KIFAP3: variants seen among roughly 807,000 people sequenced by gnomAD.
KIFAP3 encodes kinesin associated protein 3.
KIFAP3 carries 68 observed loss-of-function variants against 106.5 expected under a neutral mutation model. The observed-to-expected ratio is 0.64, with a 90% CI of 0.53 to 0.78. The LOEUF is 0.78. Among genes scored for constraint, KIFAP3 ranks in the 30% least tolerant of loss-of-function variants. The probability of loss-of-function intolerance (pLI) is 0.00; values close to 1 mark genes in which losing one functional copy is unlikely to be tolerated. For missense variants in KIFAP3, 780 were observed against 941.8 expected (o/e 0.83, Z 2.25); for synonymous variants, 320 against 311.5 (o/e 1.03, Z -0.29).
chr1:169,962,566 G>A (rs1665395893), intron 17 of KIFAP3, among the ~76,000 whole-genome samples: 1 of 151,906 alleles, frequency 6.6e-6, no homozygotes, highest in Non-Finnish European at 1.5e-5. Flanking sequence ...AGGGATGCAG[G>A]GTAATAGCAC....
At position 170,070,173 on chromosome 1, in the gene KIFAP3, G is replaced by A. The variant is rs1484228703; in HGVS notation, c.32+4263C>T. The stretch of plus-strand genomic sequence containing the variant: ...GAAATTAATATGAACTAAATGAAAA[G>A]AAATCACATGTTCATGGACTGAAGG... On this transcript the variant is annotated intron_variant, in intron 1 of 19. Transcript: ENST00000361580. Among the ~76,000 whole-genome samples the A allele has an allele frequency of 2.6e-5, 4 of 152,022 alleles. No homozygotes were observed. The East Asian group carries it at 7.7e-4, about 29-fold the overall frequency.
At position 169,965,757 on chromosome 1, in the gene KIFAP3, T is replaced by G. The variant is rs115875128; in HGVS notation, c.1984-4522A>C. 2.4e-3 allele frequency among the ~76,000 whole-genome samples: 361 copies of G among 152,138 alleles called. 1 individual carries two copies. Among genetic ancestry groups the G allele is most frequent in the African/African-American group, 8.1e-3 (338 of 41,554 alleles). ...TCACCCTACGAGCTTACATCATTAT[T>G]CTTATTAATAAACGTATACATACAA... On this transcript the variant is annotated intron_variant, in intron 17 of 19. Transcript: ENST00000361580.
intron 1 of KIFAP3, among the ~76,000 whole-genome samples, chr1:170,080,705 G>GT (rs1672006193): frequency 6.6e-6 from 1 of 152,120 alleles, no homozygotes; most frequent in African/African-American, 2.4e-5. Context: ...CCTTCACCTA[G>GT]TTTCACCCAG....
intron 8 of KIFAP3, among the ~76,000 whole-genome samples, chr1:170,029,962 T>C (rs1223196524): frequency 1.3e-5 from 2 of 152,084 alleles, no homozygotes; most frequent in East Asian, 3.9e-4. Flanking sequence ...CCTCACCCCA[T>C]ATACAAAAAT....
intron 18 of KIFAP3, among the ~76,000 whole-genome samples, chr1:169,960,545 T>C (rs1295671875): frequency 6.6e-6 from 1 of 152,154 alleles, no homozygotes; most frequent in Non-Finnish European, 1.5e-5. Context: ...AACATTAGCA[T>C]AGTTTAGAAA....
chr1:169,962,765 T>G (rs1407061121), intron 17 of KIFAP3, among the ~76,000 whole-genome samples: 1 of 152,196 alleles, frequency 6.6e-6, no homozygotes, highest in African/African-American at 2.4e-5. Context: ...TGTTAAAATT[T>G]TAACTTGTTG....
chr1:170,079,974 A>G (rs1395458164), intron 1 of KIFAP3, among the ~76,000 whole-genome samples: 2 of 151,940 alleles, frequency 1.3e-5, no homozygotes, highest in African/African-American at 4.8e-5. Flanking sequence ...TTTTCAGGTG[A>G]TATTATCAGT....
At chr1:169,928,878 T>G (rs1322824701) in intron 19 of KIFAP3, among the ~76,000 whole-genome samples, 1 of 152,090 alleles carries the variant, frequency 6.6e-6, no homozygotes, top group Non-Finnish European at 1.5e-5. Context: ...TGCTGTGGTA[T>G]TCCATGGAGA....
At chr1:170,078,965 C>A (rs774826110), upstream of KIFAP3, among the ~76,000 whole-genome samples, 32 of 152,264 alleles carry the variant, frequency 2.1e-4, no homozygotes, top group Middle Eastern at 3.4e-3. Flanking sequence ...GGGTTTATCC[C>A]AGGAATGCAA....
chr1:170,074,702 G>T, upstream of KIFAP3: 1 of 1,404,470 alleles, frequency 7.1e-7, no homozygotes, highest in Non-Finnish European at 9.3e-7. Flanking sequence ...GCCTAAGCCG[G>T]GCCGTCACGA....
At chr1:169,941,521 A>T (rs1664114104) in intron 19 of KIFAP3, among the ~76,000 whole-genome samples, 1 of 88,468 alleles carries the variant, frequency 1.1e-5, no homozygotes, top group Non-Finnish European at 2.2e-5. Flanking sequence ...GATGAGAATA[A>T]TTTTTTCTGT....
intron 10 of KIFAP3, among the ~76,000 whole-genome samples, chr1:170,000,785 C>T (rs914329094): frequency 2.0e-5 from 3 of 151,792 alleles, no homozygotes; most frequent in South Asian, 2.1e-4. Context: ...TGTCTATAGT[C>T]GAGATTTGAG....
At chr1:169,999,365 G>C (rs1457415509) in intron 10 of KIFAP3, among the ~76,000 whole-genome samples, 1 of 152,034 alleles carries the variant, frequency 6.6e-6, no homozygotes, top group Admixed American at 6.6e-5. Context: ...ATTTCAAAAA[G>C]GCTCCTTTAA....
chr1:169,992,089 A>G (rs984790590), intron 11 of KIFAP3, 66 bp downstream of exon 11: 10 of 701,912 alleles, frequency 1.4e-5, no homozygotes, highest in Non-Finnish European at 1.9e-5. Flanking sequence ...TTGACAAATC[A>G]AGAGAAAAGA....
chr1:169,954,180 A>G (rs1261928302), intron 18 of KIFAP3, 70 bp from the exon 19 acceptor site: 1 of 860,442 alleles, frequency 1.2e-6, no homozygotes, highest in South Asian at 1.4e-5. Flanking sequence ...AAGCAATACA[A>G]TAAGAAAATA....
chr1:170,026,704 G>A (rs1483266868), intron 8 of KIFAP3, among the ~76,000 whole-genome samples: 1 of 152,090 alleles, frequency 6.6e-6, no homozygotes, highest in East Asian at 1.9e-4. Flanking sequence ...AAGTGAGGCT[G>A]GGACAGAAAA....
chr1:169,982,717 C>A lies in KIFAP3; in HGVS notation c.1657G>T (p.Asp553Tyr). The change falls in exon 14 of 20, where the codon GAT becomes TAT. Residue 553 changes from aspartate (D) to tyrosine (Y), a missense_variant. Transcript: ENST00000361580. ...KEYKLVPYLK[D>Y]KLKPGAAEDD... ...TAGCACAAACCTGGTTTTAGTTTAT[C>A]CTTGAGGTATGGAACCAACTTATAT... 1 of 1,593,306 alleles carries A rather than the reference C, an allele frequency of 6.3e-7. No homozygotes were observed. Among genetic ancestry groups the A allele is most frequent in the Non-Finnish European group, 8.6e-7 (1 of 1,169,284 alleles).
At chr1:169,959,705 T>G (rs1369950636) in intron 18 of KIFAP3, among the ~76,000 whole-genome samples, 1 of 152,148 alleles carries the variant, frequency 6.6e-6, no homozygotes, top group Admixed American at 6.5e-5. Context: ...TGGTAATTGA[T>G]TCATTATGAA....
intron 19 of KIFAP3, among the ~76,000 whole-genome samples, chr1:169,946,693 C>T (rs1482618980): frequency 1.3e-5 from 2 of 151,920 alleles, no homozygotes; most frequent in African/African-American, 4.8e-5. Flanking sequence ...AAATAAGATA[C>T]ATGAAGATTT....
Sources: allele counts gnomAD v4.1 joint callset (sites outside exome capture counted in the v4.1 genomes callset), GRCh38; gene constraint gnomAD v4.1.1; transcripts MANE v1.5; gene names NCBI Gene and HGNC (gene_info 2026-07-23, HGNC 2026-07-21).